The following ABCA10 variants were observed in gnomAD, a reference collection of about 807,000 sequenced individuals.
ABCA10 encodes ATP binding cassette subfamily A member 10, also known as ATP-binding cassette sub-family A member 10.
Under a neutral mutation model 187.5 loss-of-function variants are expected in ABCA10, and 169 were observed. The observed-to-expected ratio is 0.90, with a 90% CI of 0.80 to 1.02. The LOEUF (loss-of-function observed/expected upper bound fraction) is 1.02. Ranked by LOEUF, ABCA10 falls within the 50% of genes least tolerant of loss-of-function variation. The probability of loss-of-function intolerance (pLI) is 0.00; values close to 1 mark genes in which losing one functional copy is unlikely to be tolerated. For missense variants in ABCA10, 1,727 were observed against 1,812.4 expected (o/e 0.95, Z 0.86); for synonymous variants, 574 against 601.8 (o/e 0.95, Z 0.68).
chr17:69,206,119 T>C (rs999058577), intron 9 of ABCA10, among the ~76,000 whole-genome samples: 8 of 152,036 alleles, frequency 5.3e-5, no homozygotes, highest in Non-Finnish European at 8.8e-5. Flanking sequence ...ACATTATTGT[T>C]CTTATTAAAG....
rs572977608 is a variant in ABCA10, at chr17:69,164,120, T to C, written c.3317A>G (p.Asn1106Ser). Residue 1106 changes from asparagine (N) to serine (S), a missense_variant, in exon 27 of 39, where the codon AAT (asparagine) becomes AGT (serine). Transcript: ENST00000690296. ...GGTTTTATTGACTTCATTTATTCTA[T>C]TGTCCAGACTGTCCAAGTTTCTCAT... ...DFMRNLDSLDNRINEVNKTIL... is the reference protein window; with the variant it reads ...DFMRNLDSLDSRINEVNKTIL... The C allele has an allele frequency of 2.5e-5, 40 of 1,590,026 alleles. No individual in the cohort carries two copies. In the South Asian group the frequency reaches 3.7e-4, roughly 15 times the overall value.
At position 69,152,345 on chromosome 17, in the gene ABCA10, T is replaced by C. The variant is rs1399942123; in HGVS notation, c.4256+17A>G. On this transcript the variant is annotated intron_variant, in intron 35 of 38. Transcript: ENST00000690296. ...TAAGAACATGCTAGTCCCATGCTGGTCAGGACAGGCACCCACCTTAGCGTT... is the reference window on the plus strand; with the variant it reads ...TAAGAACATGCTAGTCCCATGCTGGCCAGGACAGGCACCCACCTTAGCGTT... 4.4e-6 allele frequency: 7 copies of C among 1,609,016 alleles called. No homozygotes were observed. Among genetic ancestry groups the C allele is most frequent in the Non-Finnish European group, 5.9e-6 (7 of 1,178,282 alleles).
intron 3 of ABCA10, among the ~76,000 whole-genome samples, chr17:69,223,029 A>G (rs1019275287): frequency 6.6e-6 from 1 of 151,324 alleles, no homozygotes; most frequent in African/African-American, 2.4e-5. Context: ...CTTGAAGGAT[A>G]TACACAATTT....
chr17:69,234,978 ATTTG>A (rs1400887104), intron 1 of ABCA10: 1 of 152,182 alleles, frequency 6.6e-6, no homozygotes, highest in Non-Finnish European at 1.5e-5. Context: ...TTAAGTAATG[ATTTG>A]TTTAAGGAAA....
chr17:69,155,831 C>G lies in ABCA10; in HGVS notation c.3550G>C (p.Ala1184Pro). The change falls in exon 29 of 39, where the codon GCA becomes CCA. Residue 1184 changes from alanine to proline, a missense_variant. Transcript: ENST00000690296. Reference protein sequence around the residue: ...VQAERVQAANALTAPNLEEEP... With the variant: ...VQAERVQAANPLTAPNLEEEP... ...TCCTCCAAGTTTGGAGCAGTGAGTG[C>G]ATTTGCTGCTTGGACTCTTTCAGCT... is the stretch of plus-strand genomic sequence containing the variant. 1 of 1,613,684 alleles carries G rather than the reference C, an allele frequency of 6.2e-7. No homozygotes were observed. Among genetic ancestry groups the G allele is most frequent in the Non-Finnish European group, 8.5e-7 (1 of 1,179,716 alleles).
At chr17:69,201,691 C>T (rs929695695) in intron 9 of ABCA10, 23 bp from the exon 10 acceptor site, 2 of 1,546,524 alleles carry the variant, frequency 1.3e-6, no homozygotes, top group African/African-American at 1.4e-5. Context: ...GATACAATTA[C>T]ATATTGCATC....
chr17:69,154,417 TGAC>T (rs2074157419), intron 30 of ABCA10, 91 bp from the exon 31 acceptor site: 6 of 815,418 alleles, frequency 7.4e-6, no homozygotes, highest in Non-Finnish European at 1.1e-5. Context: ...TGAAACAAAA[TGAC>T]TTTTTTTTTT....
intron 9 of ABCA10, among the ~76,000 whole-genome samples, chr17:69,209,547 A>T (rs904272294): frequency 1.3e-5 from 2 of 152,248 alleles, no homozygotes; most frequent in Non-Finnish European, 2.9e-5. Flanking sequence ...TTTTTCAAAT[A>T]AAATACCTGA....
chr17:69,168,410 A>G (rs190709305), intron 25 of ABCA10, among the ~76,000 whole-genome samples: 14 of 152,256 alleles, frequency 9.2e-5, no homozygotes, highest in African/African-American at 3.1e-4. Context: ...TGCTTTGTTC[A>G]TGGTTATATC....
intron 22 of ABCA10, 116 bp from the exon 23 acceptor site, chr17:69,175,629 A>T: frequency 1.3e-6 from 1 of 754,434 alleles, no homozygotes; most frequent in Non-Finnish European, 2.0e-6. Context: ...CTGATTTAAG[A>T]AGCAAAGAGA....
rs375138157 is a variant in ABCA10 at position 69,216,507 on chromosome 17, G to A, written c.531-149C>T. On this transcript the variant is annotated intron_variant, in intron 6 of 38. Transcript: ENST00000690296. ...ATACACATTTTGTGACTATTAGCAA[G>A]TTATTTATCTTCTCTCACTCTCATC... is the stretch of plus-strand genomic sequence containing the variant. 119 of 813,934 alleles carry A rather than the reference G, an allele frequency of 1.5e-4. 1 individual carries two copies. In the African/African-American group the frequency reaches 1.7e-3, roughly 12 times the overall value. The allele number at this position is 813,934 out of a possible 1,614,324, so 50.4% of individuals were successfully genotyped here.
In ABCA10 at chr17:69,193,855, C is replaced by T. The variant is rs376201256; in HGVS notation, c.1480G>A (p.Ala494Thr). Residue 494 changes from alanine to threonine, a missense_variant, in exon 13 of 39, where the codon GCT (alanine) becomes ACT (threonine). Ala to Thr is a moderately conservative substitution (Grantham distance 58). Transcript: ENST00000690296. ...LTVRENLRVF[A>T]KIKGIQPKEV... Reference sequence around the variant, plus strand: ...TTTGGCTGAATCCCTTTTATTTTAGCAAATACCCTGAGGTTTTCTCTCACA... The same window carrying T: ...TTTGGCTGAATCCCTTTTATTTTAGTAAATACCCTGAGGTTTTCTCTCACA... 6.2e-7 allele frequency: 1 copy of T among 1,613,388 alleles called. No individual in the cohort carries two copies. The highest frequency in any genetic ancestry group is 8.5e-7 in the Non-Finnish European group (1 of 1,179,746).
At chr17:69,233,084 G>T (rs2074842344), upstream of ABCA10, 1 of 151,906 alleles carries the variant, frequency 6.6e-6, no homozygotes, top group Non-Finnish European at 1.5e-5. Flanking sequence ...TGATCTTCCA[G>T]TTCCTGTATA....
intron 9 of ABCA10, among the ~76,000 whole-genome samples, chr17:69,211,782 T>C (rs907807646): frequency 1.3e-5 from 2 of 152,176 alleles, no homozygotes; most frequent in South Asian, 2.1e-4. Context: ...AAGGTGTCCA[T>C]AGTGGCCCTG....
In ABCA10 at chr17:69,153,452, C is replaced by T; in HGVS notation, c.4041+19G>A. The T allele has an allele frequency of 1.2e-6, 2 of 1,614,022 alleles. No homozygotes were observed. The highest frequency in any genetic ancestry group is 1.7e-6 in the Non-Finnish European group (2 of 1,179,974). ...ACCCAGCCATGGGTGCACAGGGAAA[C>T]CCCGAGCCTGGCCCATACCTTTCTC... is the stretch of plus-strand genomic sequence containing the variant. On this transcript the variant is annotated intron_variant, in intron 33 of 38. Coordinates refer to ENST00000690296, the MANE Select transcript of ABCA10 (RefSeq NM_001377321.1).
chr17:69,187,666 T>A lies in ABCA10; in HGVS notation c.2330+15A>T. On this transcript the variant is annotated intron_variant, in intron 19 of 38. Transcript: ENST00000690296. The stretch of plus-strand genomic sequence containing the variant: ...ATATACTGACCAAATAGATATAAAG[T>A]AATCTGATACTCACAAACACAAAAG... The A allele has an allele frequency of 4.3e-6, 7 of 1,610,422 alleles. No individual in the cohort carries two copies. Among genetic ancestry groups the A allele is most frequent in the Non-Finnish European group, 5.9e-6 (7 of 1,177,348 alleles).
upstream of ABCA10, chr17:69,228,849 T>C (rs142225898): frequency 2.0e-4 from 30 of 152,172 alleles, no homozygotes; most frequent in African/African-American, 7.0e-4. Context: ...TCATTGGTAT[T>C]TGTTTATTGC....
chr17:69,227,979 G>T (rs2074806792), intron 1 of ABCA10, among the ~76,000 whole-genome samples: 2 of 151,838 alleles, frequency 1.3e-5, no homozygotes, highest in African/African-American at 4.8e-5. Flanking sequence ...TGATCATTTG[G>T]TGTCACAACT....
chr17:69,237,542 C>T (rs1055463321), intron 1 of ABCA10, among the ~76,000 whole-genome samples: 3 of 152,156 alleles, frequency 2.0e-5, no homozygotes, highest in Non-Finnish European at 2.9e-5. Flanking sequence ...ATCTTTAGGT[C>T]TTTAAGGGTG....
Sources: gnomAD v4.1 joint callset for allele counts (sites outside exome capture counted in the v4.1 genomes callset) on GRCh38, gnomAD v4.1.1 for gene constraint, MANE v1.5 for transcripts, NCBI Gene and HGNC (gene_info 2026-07-23, HGNC 2026-07-21) for gene names.